The following PHLPP1 variants were observed in gnomAD, a reference collection of about 807,000 sequenced individuals.
PHLPP1 encodes PH domain and leucine rich repeat protein phosphatase 1.
In PHLPP1, 42 loss-of-function variants were observed where a neutral mutation model predicts 117.2. That is an observed-to-expected ratio of 0.36 (90% confidence interval 0.28 to 0.46). PHLPP1 has a LOEUF of 0.46. PHLPP1 is among the 20% of genes least tolerant of loss of function. PHLPP1 has a pLI of 1.00. For missense variants in PHLPP1, 2,084 were observed against 2,241.9 expected, an observed-to-expected ratio of 0.93 and a Z score of 1.42; for synonymous variants, 1,042 against 970.7, an observed-to-expected ratio of 1.07 and a Z score of -1.37.
chr18:62,793,897 C>G (rs1348298392), intron 1 of PHLPP1, among the ~76,000 whole-genome samples: 1 of 152,202 alleles, frequency 6.6e-6, no homozygotes, highest in East Asian at 1.9e-4. Context: ...TCTTAATTTC[C>G]TTTATGTTCA....
At chr18:62,923,101 C>A (rs934165362) in intron 10 of PHLPP1, among the ~76,000 whole-genome samples, 1 of 152,260 alleles carries the variant, frequency 6.6e-6, no homozygotes, top group South Asian at 2.1e-4. Context: ...GCTAGGCCAG[C>A]AGTGTTAGCT....
At chr18:62,838,730 A>C in intron 2 of PHLPP1, 54 bp from the exon 3 acceptor site, 1 of 1,592,316 alleles carries the variant, frequency 6.3e-7, no homozygotes, top group African/African-American at 1.3e-5. Flanking sequence ...AGTGAAATAC[A>C]TCAGTGGTTC....
intron 1 of PHLPP1, among the ~76,000 whole-genome samples, chr18:62,808,565 T>TTTTTTTTTTTTTTTTTTTTTTTTTTTA (rs747889895): frequency 6.6e-6 from 1 of 150,800 alleles, no homozygotes; most frequent in Non-Finnish European, 1.5e-5. Context: ...TTGTTTTTTT[T>TTTTTTTTTTTTTTTTTTTTTTTTTTTA]TTTTGAGACG....
intron 12 of PHLPP1, among the ~76,000 whole-genome samples, chr18:62,949,412 T>G (rs956449472): frequency 4.6e-5 from 7 of 152,230 alleles, no homozygotes; most frequent in African/African-American, 1.7e-4. Context: ...ACAGACTATT[T>G]GCACCATCTA....
At chr18:62,949,270 T>A (rs2144463795) in intron 12 of PHLPP1, among the ~76,000 whole-genome samples, 1 of 152,330 alleles carries the variant, frequency 6.6e-6, no homozygotes. Context: ...AGAAAGTGAT[T>A]ATTCATAGCT....
chr18:62,829,405 A>C (rs1195143030), intron 1 of PHLPP1, among the ~76,000 whole-genome samples: 1 of 152,186 alleles, frequency 6.6e-6, no homozygotes, highest in Non-Finnish European at 1.5e-5. Flanking sequence ...CCATTCATAA[A>C]CATCATGAAG....
Position 62,716,307 on chromosome 18 carries a change from C to G in PHLPP1, c.624C>G (p.Asp208Glu). The change falls in exon 1 of 17, where the codon GAC (aspartate) becomes GAG (glutamate). Residue 208 changes from aspartate to glutamate, a missense_variant. Transcript: ENST00000262719. This position sits in a 1 kb window ranked among gnomAD's most constrained non-coding sequence, Gnocchi z 5.7. ...QLQRGCVHVFDRHMASTYLRP... is the reference protein window; with the variant it reads ...QLQRGCVHVFERHMASTYLRP... Reference sequence around the variant, plus strand: ...AGCGCGGCTGCGTGCACGTCTTCGACCGCCACATGGCCTCGACCTACCTGC... The same window carrying G: ...AGCGCGGCTGCGTGCACGTCTTCGAGCGCCACATGGCCTCGACCTACCTGC... The G allele has an allele frequency of 6.5e-7, 1 of 1,531,466 alleles. No homozygotes were observed. The highest frequency in any genetic ancestry group is 8.7e-7 in the Non-Finnish European group (1 of 1,145,356). The allele number at this position is 1,531,466 out of a possible 1,614,324, so 94.9% of individuals were successfully genotyped here. A position where few individuals can be genotyped will look rare whatever the true frequency, so the allele number is the denominator to read the frequency against.
Position 62,978,616 on chromosome 18 carries a change from A to G in PHLPP1, c.4339A>G (p.Ile1447Val). The change falls in exon 17 of 17, where the codon ATC becomes GTC. Residue 1447 changes from isoleucine (I) to valine (V), a missense_variant. Ile to Val is a conservative substitution (Grantham distance 29, BLOSUM62 3). This residue lies in a region of PHLPP1 where 1,365 missense variants were observed against 1,605.9 expected (regional missense o/e 0.85). Transcript: ENST00000262719. The surrounding 1 kb of genome is among the most constrained non-coding windows in gnomAD (Gnocchi z 7.0). ...GGCTGTGCCACCACCCAGTCCTGGCATCTTTCCTCCCTCAGTGAACATGGT... is the reference window on the plus strand; with the variant it reads ...GGCTGTGCCACCACCCAGTCCTGGCGTCTTTCCTCCCTCAGTGAACATGGT... ...GGAVPPPSPG[I>V]FPPSVNMVIK... 3.1e-6 allele frequency: 5 copies of G among 1,613,840 alleles called. No individual in the cohort carries two copies. The highest frequency in any genetic ancestry group is 4.2e-6 in the Non-Finnish European group (5 of 1,179,814).
At chr18:62,929,042 G>T (rs1381881233) in intron 10 of PHLPP1, among the ~76,000 whole-genome samples, 2 of 152,196 alleles carry the variant, frequency 1.3e-5, no homozygotes, top group Admixed American at 1.3e-4. Flanking sequence ...TGATGAAACT[G>T]TTGTGGAATT....
intron 1 of PHLPP1, among the ~76,000 whole-genome samples, chr18:62,789,266 C>T (rs1388757797): frequency 9.2e-5 from 14 of 151,956 alleles, no homozygotes; most frequent in Admixed American, 9.2e-4. Flanking sequence ...TGGCAGAGAG[C>T]ATTTTCATAT....
At position 62,716,897 on chromosome 18, in the gene PHLPP1, C is replaced by T. The variant is rs778653099; in HGVS notation, c.1214C>T (p.Pro405Leu). The T allele has an allele frequency of 1.1e-4, 173 of 1,531,232 alleles. 1 individual carries two copies. In the Middle Eastern group the frequency reaches 5.4e-3, roughly 48 times the overall value. The allele number at this position is 1,531,232 out of a possible 1,614,324, so 94.9% of individuals were successfully genotyped here. A position where few individuals can be genotyped will look rare whatever the true frequency, so the allele number is the denominator to read the frequency against. The change falls in exon 1 of 17, where the codon CCG (proline) becomes CTG (leucine). Residue 405 changes from proline (P) to leucine (L), a missense_variant. Pro to Leu is a moderately conservative substitution (Grantham distance 98). Coordinates refer to ENST00000262719, the MANE Select transcript of PHLPP1 (RefSeq NM_194449.4). The surrounding 1 kb of genome is among the most constrained non-coding windows in gnomAD (Gnocchi z 5.7). ...CCCGGCCACCCCGCGCAGCCCCTCC[C>T]GCTTCCCCAGACGGCTTCCTCGCCT... ...RRPGHPAQPLPLPQTASSPQP... is the reference protein window; with the variant it reads ...RRPGHPAQPLLLPQTASSPQP...
chr18:62,764,990 C>T (rs56706272), intron 1 of PHLPP1, among the ~76,000 whole-genome samples: 2,526 of 152,288 alleles, frequency 0.017, 82 homozygotes, highest in African/African-American at 0.058. Flanking sequence ...TTCTCTCCCA[C>T]TTGTCTTTTA....
chr18:62,878,521 C>G (rs1158385884), intron 4 of PHLPP1, among the ~76,000 whole-genome samples: 1 of 152,170 alleles, frequency 6.6e-6, no homozygotes, highest in African/African-American at 2.4e-5. Flanking sequence ...TCACCATGCT[C>G]TAAACTAATG....
chr18:62,761,050 C>T (rs1257591591), intron 1 of PHLPP1, among the ~76,000 whole-genome samples: 1 of 151,586 alleles, frequency 6.6e-6, no homozygotes, highest in South Asian at 2.1e-4. Flanking sequence ...TTTTTTGTAG[C>T]GATGGGATTT....
rs1599112055 is a variant in PHLPP1, at chr18:62,902,830, T to A, written c.2445-134T>A. ...TGGCTAGTTAAGAAAGGCCGGATGC[T>A]GAGATTCCAAAAATCATGGAGAACT... On this transcript the variant is annotated intron_variant, in intron 6 of 16. Transcript: ENST00000262719. 4.8e-6 allele frequency: 3 copies of A among 622,188 alleles called. No individual in the cohort carries two copies. In the East Asian group the frequency reaches 8.2e-5, roughly 17 times the overall value. The allele number at this position is 622,188 out of a possible 1,614,324, so 38.5% of individuals were successfully genotyped here.
intron 1 of PHLPP1, among the ~76,000 whole-genome samples, chr18:62,727,637 C>G (rs1044300396): frequency 1.4e-5 from 2 of 147,832 alleles, no homozygotes; most frequent in Non-Finnish European, 3.0e-5. Context: ...AAAAAAAGCA[C>G]TTTTCTCCAG....
intron 1 of PHLPP1, among the ~76,000 whole-genome samples, chr18:62,797,290 A>G (rs902048046): frequency 8.5e-5 from 13 of 152,198 alleles, no homozygotes; most frequent in Admixed American, 2.0e-4. Flanking sequence ...CTTTTGTTTG[A>G]GGCCACTGTG....
At position 62,877,089 on chromosome 18, in the gene PHLPP1, TAGAA is replaced by T. The variant is rs138565279; in HGVS notation, c.2066+16491_2066+16494del. Among the ~76,000 whole-genome samples, 864 of 152,314 alleles carry T rather than the reference TAGAA, an allele frequency of 5.7e-3. 12 individuals are homozygous for T. Among genetic ancestry groups the T allele is most frequent in the African/African-American group, 0.02 (821 of 41,562 alleles). ...GGCATTTATCAAGTACCTCTCTTCT[TAGAA>T]AGCTCAAATTTCTACATTTTTGGTT... is the stretch of plus-strand genomic sequence containing the variant. On this transcript the variant is annotated intron_variant, in intron 4 of 16. Coordinates refer to ENST00000262719, the MANE Select transcript of PHLPP1 (RefSeq NM_194449.4).
At chr18:62,957,598 T>TTTTG (rs746538503) in intron 12 of PHLPP1, among the ~76,000 whole-genome samples, 10 of 152,120 alleles carry the variant, frequency 6.6e-5, no homozygotes, top group Non-Finnish European at 1.3e-4. Context: ...TTTCTTTGTT[T>TTTTG]TTTGTTTGTT....
Sources: gnomAD v4.1 joint callset for allele counts (sites outside exome capture counted in the v4.1 genomes callset) on GRCh38, gnomAD v4.1.1 for gene constraint, gnomAD v4.1.1 regional missense constraint, Gnocchi (gnomAD v3.1) non-coding constraint, MANE v1.5 for transcripts, NCBI Gene and HGNC (gene_info 2026-07-23, HGNC 2026-07-21) for gene names.